Variants in NRXN1 observed in about 807,000 individuals in gnomAD.
NRXN1 encodes neurexin 1, also known as neurexin-1.
NRXN1 carries 39 observed loss-of-function variants against 150.9 expected under a neutral mutation model. The ratio of observed to expected loss-of-function variants is 0.26; its 90% CI spans 0.20 to 0.34. The LOEUF is 0.34. Ranked by LOEUF, NRXN1 falls within the 10% of genes least tolerant of loss-of-function variation. The probability of loss-of-function intolerance (pLI) is 1.00; values close to 1 mark genes in which losing one functional copy is unlikely to be tolerated. For missense variants in NRXN1, 1,815 were observed against 1,949.9 expected, an observed-to-expected ratio of 0.93 and a Z score of 1.30; for synonymous variants, 924 against 757.0, an observed-to-expected ratio of 1.22 and a Z score of -3.62.
chr2:50,898,263 C>G (rs1274660223), intron 5 of NRXN1, among the ~76,000 whole-genome samples: 1 of 152,122 alleles, frequency 6.6e-6, no homozygotes, highest in East Asian at 1.9e-4. Flanking sequence ...TTCATTCCCT[C>G]TTAGGACTGT....
chr2:50,744,683 A>T (rs1330083719), intron 5 of NRXN1, among the ~76,000 whole-genome samples: 1 of 152,104 alleles, frequency 6.6e-6, no homozygotes, highest in East Asian at 1.9e-4. Context: ...CCAAGTAGAG[A>T]GATATTACCT....
At chr2:50,132,615 C>G (rs1252839127) in intron 18 of NRXN1, among the ~76,000 whole-genome samples, 2 of 151,904 alleles carry the variant, frequency 1.3e-5, no homozygotes, top group Non-Finnish European at 2.9e-5. Flanking sequence ...CAGCTCTTAT[C>G]TTTTTAAAAT....
chr2:50,581,247 T>C (rs1672217874), intron 8 of NRXN1, among the ~76,000 whole-genome samples: 1 of 152,190 alleles, frequency 6.6e-6, no homozygotes, highest in South Asian at 2.1e-4. Flanking sequence ...AAAATAAAAA[T>C]GTTTGGCTAG....
chr2:50,361,620 T>TA (rs1558599087), intron 17 of NRXN1, among the ~76,000 whole-genome samples: 1 of 146,974 alleles, frequency 6.8e-6, no homozygotes, highest in East Asian at 2.0e-4. Flanking sequence ...GGCAGTAATT[T>TA]AAAAAAAGCC....
intron 5 of NRXN1, among the ~76,000 whole-genome samples, chr2:50,890,850 A>G (rs1381175084): frequency 6.6e-6 from 1 of 151,984 alleles, no homozygotes; most frequent in African/African-American, 2.4e-5. Flanking sequence ...TATTATGCAC[A>G]AAACACAAAC....
At chr2:50,825,580 T>C (rs562929833) in intron 5 of NRXN1, among the ~76,000 whole-genome samples, 25 of 152,336 alleles carry the variant, frequency 1.6e-4, no homozygotes, top group African/African-American at 5.8e-4. Context: ...GTATGGCAGC[T>C]CTGTGCCCCT....
rs1671084463 is a variant in NRXN1, at chr2:51,029,126, G to C, written c.-853C>G. 1 of 152,236 alleles carries C rather than the reference G, an allele frequency of 6.6e-6. No individual in the cohort carries two copies. Among genetic ancestry groups the C allele is most frequent in the Non-Finnish European group, 1.5e-5 (1 of 68,042 alleles). The allele number at this position is 152,236 out of a possible 1,614,324, so 9.4% of individuals were successfully genotyped here. Reference sequence around the variant, plus strand: ...TCTGCAGGGCCAAGCTAAGATGCCAGCACATCAATTGGTTGTGTGTTGGTG... The same window carrying C: ...TCTGCAGGGCCAAGCTAAGATGCCACCACATCAATTGGTTGTGTGTTGGTG... On this transcript the variant is annotated 5_prime_UTR_variant, in exon 2 of 23. Transcript: ENST00000401669.
chr2:49,937,148 T>C (rs1017713645), intron 22 of NRXN1, among the ~76,000 whole-genome samples: 1 of 152,218 alleles, frequency 6.6e-6, no homozygotes, highest in Non-Finnish European at 1.5e-5. Context: ...CTAACTTTAG[T>C]GGGCTCCATG....
At chr2:50,363,372 A>G (rs1246069381) in intron 17 of NRXN1, among the ~76,000 whole-genome samples, 1 of 152,200 alleles carries the variant, frequency 6.6e-6, no homozygotes, top group Admixed American at 6.5e-5. Flanking sequence ...TAGAATCCAC[A>G]AGGAACTTAA....
rs924868817 is a variant in NRXN1, at chr2:49,965,895, T to C, written c.4129-22104A>G. On this transcript the variant is annotated intron_variant, in intron 21 of 22. Transcript: ENST00000401669. Reference sequence around the variant, plus strand: ...TTAGTCCAGAGTATGCAGCATTGTATAAAATATGTATTGATATAAAGCCTA... The same window carrying C: ...TTAGTCCAGAGTATGCAGCATTGTACAAAATATGTATTGATATAAAGCCTA... Among the ~76,000 whole-genome samples the C allele has an allele frequency of 2.6e-5, 4 of 152,226 alleles. No homozygotes were observed. In the East Asian group the frequency reaches 7.7e-4, roughly 29 times the overall value.
intron 5 of NRXN1, among the ~76,000 whole-genome samples, chr2:50,813,305 C>A (rs978413536): frequency 2.5e-4 from 38 of 151,934 alleles, no homozygotes; most frequent in African/African-American, 8.9e-4. Flanking sequence ...TTTTTGTTAT[C>A]TTTTAGATCT....
chr2:50,528,008 C>T (rs753550417), intron 12 of NRXN1, among the ~76,000 whole-genome samples: 1 of 152,130 alleles, frequency 6.6e-6, no homozygotes, highest in East Asian at 1.9e-4. Flanking sequence ...AGATTTTCAT[C>T]CAAATTCAAA....
Position 50,132,768 on chromosome 2 carries a change from C to T in NRXN1, c.3547-41274G>A, listed in dbSNP as rs113640520. Among the ~76,000 whole-genome samples the T allele has an allele frequency of 4.0e-5, 6 of 151,578 alleles. 1 individual carries two copies. Among genetic ancestry groups the T allele is most frequent in the African/African-American group, 1.5e-4 (6 of 41,288 alleles). On this transcript the variant is annotated intron_variant, in intron 18 of 22. Transcript: ENST00000401669. ...TTCCTGGAAGGAAAATTTGAGGAAACGTCTAATGTACATAGATACTGTGTG... is the reference window on the plus strand; with the variant it reads ...TTCCTGGAAGGAAAATTTGAGGAAATGTCTAATGTACATAGATACTGTGTG...
chr2:50,750,431 GGAAGAGAAGAGAAAA>G (rs962791075), intron 5 of NRXN1, among the ~76,000 whole-genome samples: 3 of 151,784 alleles, frequency 2.0e-5, no homozygotes, highest in Admixed American at 6.6e-5. Flanking sequence ...AAATAAAAAA[GGAAGAGAAGAGAAAA>G]GAAGAGAAGA....
intron 8 of NRXN1, among the ~76,000 whole-genome samples, chr2:50,605,168 T>C (rs1372972384): frequency 2.0e-5 from 3 of 152,244 alleles, no homozygotes; most frequent in Non-Finnish European, 4.4e-5. Flanking sequence ...AACCATGTCT[T>C]AATCCTGTTT....
intron 12 of NRXN1, among the ~76,000 whole-genome samples, chr2:50,524,375 A>C (rs2092883728): frequency 6.6e-6 from 1 of 152,066 alleles, no homozygotes; most frequent in Admixed American, 6.5e-5. Flanking sequence ...GCTACTTGGA[A>C]GGCTGAGGTA....
At chr2:50,464,256 C>T (rs1319660101) in intron 17 of NRXN1, among the ~76,000 whole-genome samples, 11 of 151,750 alleles carry the variant, frequency 7.2e-5, no homozygotes, top group Admixed American at 7.2e-4. Flanking sequence ...ACAAATATTT[C>T]TCCATCTACA....
At chr2:50,482,181 A>T (rs1327088455) in intron 15 of NRXN1, among the ~76,000 whole-genome samples, 7 of 152,184 alleles carry the variant, frequency 4.6e-5, no homozygotes, top group African/African-American at 1.7e-4. Flanking sequence ...ATGTTTGGCC[A>T]ACAGACTGTG....
At chr2:50,929,840 A>G (rs1687478537) in intron 2 of NRXN1, among the ~76,000 whole-genome samples, 1 of 152,022 alleles carries the variant, frequency 6.6e-6, no homozygotes, top group South Asian at 2.1e-4. Flanking sequence ...TTCTTTTGGT[A>G]TTAGCAGTGA....
Sources: gnomAD v4.1 joint callset for allele counts (sites outside exome capture counted in the v4.1 genomes callset) on GRCh38, gnomAD v4.1.1 for gene constraint, MANE v1.5 for transcripts, NCBI Gene and HGNC (gene_info 2026-07-23, HGNC 2026-07-21) for gene names.